Variants in ENC1 observed in about 807,000 individuals in gnomAD.
The protein encoded by ENC1 is ectoderm-neural cortex protein 1.
ENC1 carries 19 observed loss-of-function variants against 40.9 expected under a neutral mutation model. The observed-to-expected ratio is 0.46, with a 90% CI of 0.32 to 0.68. The LOEUF (loss-of-function observed/expected upper bound fraction) is 0.68, where lower values mean the gene tolerates loss of function less well. Among genes scored for constraint, ENC1 ranks in the 30% least tolerant of loss-of-function variants. ENC1 has a pLI of 0.03. For synonymous variants in ENC1, 285 were observed against 291.1 expected, an observed-to-expected ratio of 0.98 and a Z score of 0.21; for missense variants, 479 against 737.5, an observed-to-expected ratio of 0.65 and a Z score of 4.06.
chr5:74,638,310 G>GA (rs1218074265), intron 1 of ENC1, among the ~76,000 whole-genome samples: 1 of 152,200 alleles, frequency 6.6e-6, no homozygotes, highest in Non-Finnish European at 1.5e-5. Flanking sequence ...CCCACTATAA[G>GA]ACTGCACAGA....
intron 2 of ENC1, chr5:74,632,067 A>G (rs1747411638): frequency 6.6e-6 from 1 of 152,270 alleles, no homozygotes; most frequent in African/African-American, 2.4e-5. Flanking sequence ...AGGAAGGTCT[A>G]GAACTTAAAA....
At chr5:74,639,592 T>C (rs1302386064) in intron 1 of ENC1, among the ~76,000 whole-genome samples, 1 of 152,210 alleles carries the variant, frequency 6.6e-6, no homozygotes, top group Non-Finnish European at 1.5e-5. Flanking sequence ...ACATTACCGG[T>C]AACAATAGAA....
rs2112027581 is a variant in ENC1 at position 74,634,989 on chromosome 5, AC to A, written c.1496del (p.Gly499ValfsTer26). On this transcript the variant is annotated frameshift_variant, in exon 2 of 3. Coordinates refer to ENST00000302351, the MANE Select transcript of ENC1 (RefSeq NM_003633.4). LOFTEE classifies it high-confidence loss of function. ...VLGNQIFIMG[G>X]DTEFSACSAY... The stretch of plus-strand genomic sequence containing the variant: ...CAGAGCAGGCAGAGAATTCTGTATC[AC>A]CCCCCATAATAAAAATCTGGTTCCC... The A allele has an allele frequency of 1.9e-6, 3 of 1,613,898 alleles. No homozygotes were observed. Among genetic ancestry groups the A allele is most frequent in the South Asian group, 1.1e-5 (1 of 91,058 alleles).
At position 74,628,441 on chromosome 5, in the gene ENC1, TA is replaced by T. The variant is rs1487459032; in HGVS notation, c.*1583del. 2 of 152,616 alleles carry T rather than the reference TA, an allele frequency of 1.3e-5. No homozygotes were observed. The highest frequency in any genetic ancestry group is 4.8e-5 in the African/African-American group (2 of 41,438). 9.5% of individuals were successfully genotyped at this position (152,616 alleles called of 1,614,324 possible). On this transcript the variant is annotated 3_prime_UTR_variant, in exon 3 of 3. Transcript: ENST00000302351. ...TCCCCTGCACCTCAGGGGAAGCACC[TA>T]TCTGAGACTAGCACTAATACCTACG...
Position 74,635,048 on chromosome 5 carries a change from G to A in ENC1, c.1438C>T (p.Gln480Ter). The A allele has an allele frequency of 6.2e-7, 1 of 1,614,182 alleles. No individual in the cohort carries two copies. The highest frequency in any genetic ancestry group is 8.5e-7 in the Non-Finnish European group (1 of 1,180,016). ...GCTGCTGCTGTGTAACGCCAGGGCT[G>A]GGGACAGGTGGCCGGTACAGTCCAC... ...NRWTVPATCPQPWRYTAAAVL... is the reference protein window; with the variant it reads ...NRWTVPATCP The change falls in exon 2 of 3, where the codon CAG (glutamine) becomes TAG (stop). Residue 480 changes from glutamine (Q) to a stop codon, truncating the protein, a stop_gained. Transcript: ENST00000302351. LOFTEE classifies it high-confidence loss of function. The surrounding 1 kb of genome is among the most constrained non-coding windows in gnomAD (Gnocchi z 5.5).
intron 1 of ENC1, among the ~76,000 whole-genome samples, chr5:74,637,026 C>A (rs1198574317): frequency 1.3e-5 from 2 of 152,206 alleles, no homozygotes; most frequent in Non-Finnish European, 2.9e-5. Context: ...TGGTAAGATC[C>A]AATCTCCCAG....
intron 2 of ENC1, among the ~76,000 whole-genome samples, chr5:74,632,508 A>T (rs1281511913): frequency 6.6e-6 from 1 of 152,192 alleles, no homozygotes; most frequent in Non-Finnish European, 1.5e-5. Context: ...ATAACTCAGA[A>T]CTCTGATAAC....
At chr5:74,632,346 T>G (rs1362328611) in intron 2 of ENC1, 1 of 152,188 alleles carries the variant, frequency 6.6e-6, no homozygotes. Context: ...ATAACCACTT[T>G]CAGAGCATTT....
chr5:74,629,870 G>A lies in ENC1; in HGVS notation c.*155C>T, dbSNP rs187613433. On this transcript the variant is annotated 3_prime_UTR_variant, in exon 3 of 3. Transcript: ENST00000302351. Reference sequence around the variant, plus strand: ...CCCCTTTCCTTCATGTCCAGTTAGAGCATTTACAAGGTGCAGCAGATTTTA... The same window carrying A: ...CCCCTTTCCTTCATGTCCAGTTAGAACATTTACAAGGTGCAGCAGATTTTA... 3.2e-4 allele frequency: 42 copies of A among 129,898 alleles called. No homozygotes were observed. The highest frequency in any genetic ancestry group is 1.2e-3 in the African/African-American group (39 of 33,672). 8.0% of individuals were successfully genotyped at this position (129,898 alleles called of 1,614,324 possible).
At chr5:74,634,026 A>G (rs1404261692) in intron 2 of ENC1, among the ~76,000 whole-genome samples, 2 of 152,282 alleles carry the variant, frequency 1.3e-5, no homozygotes, top group South Asian at 2.1e-4. Context: ...TTGGTTGTTC[A>G]TTGGAATCAT....
chr5:74,640,226 C>G (rs1393872627), intron 1 of ENC1, 81 bp downstream of exon 1: 7 of 152,564 alleles, frequency 4.6e-5, no homozygotes, highest in African/African-American at 1.7e-4. Flanking sequence ...GCTCACCCCT[C>G]GCGAACACAC....
In ENC1 at chr5:74,635,802, G is replaced by T; in HGVS notation, c.684C>A (p.Tyr228Ter). 6.2e-7 allele frequency: 1 copy of T among 1,614,064 alleles called. No individual in the cohort carries two copies. Among genetic ancestry groups the T allele is most frequent in the Non-Finnish European group, 8.5e-7 (1 of 1,180,020 alleles). Residue 228 changes from tyrosine (Y) to a stop codon, truncating the protein, a stop_gained, in exon 2 of 3, where the codon TAC (tyrosine) becomes TAA (stop). Coordinates refer to ENST00000302351, the MANE Select transcript of ENC1 (RefSeq NM_003633.4). LOFTEE classifies it high-confidence loss of function. The surrounding 1 kb of genome is among the most constrained non-coding windows in gnomAD (Gnocchi z 5.5). ...TTACTGTCTGCAACAGTTCTGGGAG[G>T]TAGCAATAGCGCTTCTTCAGGTCAT... ...ISYDLKKRYC[Y>*]LPELLQTVRL...
In ENC1 at chr5:74,627,410, GAA is replaced by G. The variant is rs1236408632; in HGVS notation, c.*2613_*2614del. The G allele has an allele frequency of 1.3e-5, 2 of 150,616 alleles. No homozygotes were observed. Among genetic ancestry groups the G allele is most frequent in the African/African-American group, 4.9e-5 (2 of 40,632 alleles). The allele number at this position is 150,616 out of a possible 1,614,324, so 9.3% of individuals were successfully genotyped here. A position where few individuals can be genotyped will look rare whatever the true frequency, so the allele number is the denominator to read the frequency against. On this transcript the variant is annotated 3_prime_UTR_variant, in exon 3 of 3. Transcript: ENST00000302351. The stretch of plus-strand genomic sequence containing the variant: ...TCAAATGAAGACCCACACACATAAT[GAA>G]GAGAAAATCTCTAATAATTTATTGA...
chr5:74,640,570 C>T lies in ENC1; in HGVS notation c.-277G>A, dbSNP rs1302663624. 1 of 152,328 alleles carries T rather than the reference C, an allele frequency of 6.6e-6. No individual in the cohort carries two copies. Among genetic ancestry groups the T allele is most frequent in the African/African-American group, 2.4e-5 (1 of 41,474 alleles). 9.4% of individuals were successfully genotyped at this position (152,328 alleles called of 1,614,324 possible). On this transcript the variant is annotated 5_prime_UTR_variant, in exon 1 of 3. Coordinates refer to ENST00000302351, the MANE Select transcript of ENC1 (RefSeq NM_003633.4). ...CGGAGCGCGTCACGGTAGGGCAGAG[C>T]AAGCCTGCCACTGCAGGCGCCGCGG...
chr5:74,637,600 T>C (rs1747647993), intron 1 of ENC1: 1 of 152,260 alleles, frequency 6.6e-6, no homozygotes, highest in Admixed American at 6.5e-5. Context: ...CCGCTTTATA[T>C]CAATTCTTGG....
chr5:74,636,662 CAA>C lies in ENC1; in HGVS notation c.-13-166_-13-165del, dbSNP rs1747608740. On this transcript the variant is annotated intron_variant, in intron 1 of 2. Coordinates refer to ENST00000302351, the MANE Select transcript of ENC1 (RefSeq NM_003633.4). The surrounding 1 kb of genome is among the most constrained non-coding windows in gnomAD (Gnocchi z 4.8). Reference sequence around the variant, plus strand: ...GGCCATTCCAGGACAAAGCCAGAGACAACTACCCGGAAGGAAGGATATTCACT... The same window carrying C: ...GGCCATTCCAGGACAAAGCCAGAGACCTACCCGGAAGGAAGGATATTCACT... Among the ~76,000 whole-genome samples the C allele has an allele frequency of 2.6e-5, 4 of 151,262 alleles. No individual in the cohort carries two copies. Among genetic ancestry groups the C allele is most frequent in the Non-Finnish European group, 5.9e-5 (4 of 67,956 alleles).
rs1455545406 is a variant in ENC1, at chr5:74,632,721, G to A, written c.*32+1963C>T. Among the ~76,000 whole-genome samples the A allele has an allele frequency of 9.9e-5, 15 of 152,106 alleles. 1 individual carries two copies. The highest frequency in any genetic ancestry group is 5.2e-4 in the Admixed American group (8 of 15,266). On this transcript the variant is annotated intron_variant, in intron 2 of 2. Transcript: ENST00000302351. Reference sequence around the variant, plus strand: ...ATACAAAAAAGCCCGACGTGGTGGCGGGCACTGTAATCCCAGCTACTTGGA... The same window carrying A: ...ATACAAAAAAGCCCGACGTGGTGGCAGGCACTGTAATCCCAGCTACTTGGA...
At chr5:74,634,586 T>C in intron 2 of ENC1, 98 bp downstream of exon 2, 1 of 650,226 alleles carries the variant, frequency 1.5e-6, no homozygotes. Flanking sequence ...GTAGTACTTC[T>C]GCAGTACAGT....
chr5:74,633,860 T>C (rs1747476387), intron 2 of ENC1, among the ~76,000 whole-genome samples: 1 of 152,228 alleles, frequency 6.6e-6, no homozygotes, highest in Non-Finnish European at 1.5e-5. Context: ...GAAGGTTTTT[T>C]CATCTATAAA....
Sources: gnomAD v4.1 joint callset for allele counts (sites outside exome capture counted in the v4.1 genomes callset) on GRCh38, gnomAD v4.1.1 for gene constraint, Gnocchi (gnomAD v3.1) non-coding constraint, MANE v1.5 for transcripts, NCBI Gene and HGNC (gene_info 2026-07-23, HGNC 2026-07-21) for gene names.